The following FOXP1 variants were observed in gnomAD, a reference collection of about 807,000 sequenced individuals.
FOXP1 encodes forkhead box protein P1.
FOXP1 carries 15 observed loss-of-function variants against 98.2 expected under a neutral mutation model. The observed-to-expected ratio is 0.15, with a 90% confidence interval of 0.10 to 0.24. The LOEUF is 0.24. FOXP1 is among the 10% of genes least tolerant of loss of function. FOXP1 has a pLI of 1.00. For synonymous variants in FOXP1, 371 were observed against 314.5 expected (o/e 1.18, Z -1.90); for missense variants, 633 against 848.5 (o/e 0.75, Z 3.15).
At chr3:71,434,733 A>C (rs1351623510) in intron 3 of FOXP1, among the ~76,000 whole-genome samples, 1 of 151,734 alleles carries the variant, frequency 6.6e-6, no homozygotes, top group Non-Finnish European at 1.5e-5. Context: ...TTCTTACCAC[A>C]GATGTTGTAT....
At chr3:71,574,842 C>T (rs1294395425) in intron 2 of FOXP1, among the ~76,000 whole-genome samples, 1 of 152,198 alleles carries the variant, frequency 6.6e-6, no homozygotes, top group African/African-American at 2.4e-5. Flanking sequence ...GTTCCTATCA[C>T]GTTATTGAAC....
At chr3:71,027,581 C>T (rs951011437) in intron 11 of FOXP1, among the ~76,000 whole-genome samples, 6 of 152,162 alleles carry the variant, frequency 3.9e-5, no homozygotes, top group African/African-American at 1.4e-4. Flanking sequence ...TTTAATTAAA[C>T]ACCTACTTTG....
chr3:71,511,644 CT>C (rs34132625), intron 2 of FOXP1, among the ~76,000 whole-genome samples: 20 of 151,980 alleles, frequency 1.3e-4, no homozygotes, highest in Admixed American at 1.2e-3. Flanking sequence ...CACTGACTTC[CT>C]TTTTTTTGGT....
intron 3 of FOXP1, among the ~76,000 whole-genome samples, chr3:71,380,435 A>G (rs2080055689): frequency 6.6e-6 from 1 of 152,238 alleles, no homozygotes; most frequent in South Asian, 2.1e-4. Context: ...GCTCAGCATG[A>G]GCCTAGGCCA....
intron 4 of FOXP1, among the ~76,000 whole-genome samples, chr3:71,329,322 C>A (rs1014136279): frequency 6.6e-6 from 1 of 151,852 alleles, no homozygotes; most frequent in Non-Finnish European, 1.5e-5. Flanking sequence ...CCTGGGTTCA[C>A]ACCATTCTCC....
At chr3:71,067,934 TAA>T (rs5849980) in intron 7 of FOXP1, among the ~76,000 whole-genome samples, 1 of 119,144 alleles carries the variant, frequency 8.4e-6, no homozygotes, top group African/African-American at 3.3e-5. Flanking sequence ...AAAAATAAAA[TAA>T]AAAAAAAATA....
At chr3:71,048,513 T>G (rs900652097) in intron 9 of FOXP1, among the ~76,000 whole-genome samples, 9 of 152,074 alleles carry the variant, frequency 5.9e-5, no homozygotes, top group African/African-American at 2.2e-4. Flanking sequence ...TGAGTTTCAC[T>G]CCAAAAAACA....
chr3:71,229,663 A>G (rs2106739093), intron 5 of FOXP1, among the ~76,000 whole-genome samples: 1 of 152,296 alleles, frequency 6.6e-6, no homozygotes, highest in East Asian at 1.9e-4. Flanking sequence ...CTTGTAGAAT[A>G]TGCAAATGGG....
intron 3 of FOXP1, among the ~76,000 whole-genome samples, chr3:71,410,205 C>T (rs1408206870): frequency 6.6e-6 from 1 of 152,174 alleles, no homozygotes; most frequent in Non-Finnish European, 1.5e-5. Context: ...AGCTAATTGT[C>T]ACAAAATTGT....
intron 11 of FOXP1, among the ~76,000 whole-genome samples, chr3:71,036,548 A>G (rs2047619807): frequency 1.3e-5 from 2 of 152,226 alleles, no homozygotes; most frequent in Non-Finnish European, 2.9e-5. Context: ...AAAAAAGGGA[A>G]TATTTCTGAT....
chr3:71,142,208 A>G (rs2060104103), intron 6 of FOXP1, among the ~76,000 whole-genome samples: 1 of 152,158 alleles, frequency 6.6e-6, no homozygotes, highest in Non-Finnish European at 1.5e-5. Flanking sequence ...AATACCTTGG[A>G]GGTGGCCCTT....
chr3:71,009,254 T>C (rs1576113890), intron 12 of FOXP1, among the ~76,000 whole-genome samples: 1 of 147,858 alleles, frequency 6.8e-6, no homozygotes, highest in African/African-American at 2.5e-5. Flanking sequence ...TGGATAGCTA[T>C]GTCCGGGGCC....
intron 18 of FOXP1, chr3:70,971,058 C>A: frequency 2.1e-6 from 1 of 472,414 alleles, no homozygotes; most frequent in South Asian, 2.1e-5. Context: ...AGGCTTGGGT[C>A]CTCCCTCCAG....
chr3:71,486,531 A>C (rs62247168), intron 3 of FOXP1, among the ~76,000 whole-genome samples: 42,833 of 152,086 alleles, frequency 0.28, 6,382 homozygotes, highest in Non-Finnish European at 0.33. Flanking sequence ...ACGGGCCAAG[A>C]GGGTAACAAT....
intron 3 of FOXP1, among the ~76,000 whole-genome samples, chr3:71,462,317 G>A (rs547376708): frequency 1.3e-5 from 2 of 152,178 alleles, no homozygotes; most frequent in Non-Finnish European, 2.9e-5. Flanking sequence ...GAGTCATGCA[G>A]TTGGAATCTG....
intron 7 of FOXP1, among the ~76,000 whole-genome samples, chr3:71,078,632 A>G (rs1324811637): frequency 1.3e-5 from 2 of 151,964 alleles, no homozygotes; most frequent in African/African-American, 2.4e-5. Flanking sequence ...GAATGGACAT[A>G]AGACTGGAAG....
intron 7 of FOXP1, among the ~76,000 whole-genome samples, chr3:71,100,930 G>A (rs970996613): frequency 6.6e-6 from 1 of 152,176 alleles, no homozygotes; most frequent in Non-Finnish European, 1.5e-5. Flanking sequence ...CTGAAGAGCA[G>A]AATGACATGG....
intron 7 of FOXP1, chr3:71,064,686 T>C (rs1012396589): frequency 5.8e-6 from 3 of 520,606 alleles, no homozygotes; most frequent in Non-Finnish European, 4.9e-6. Flanking sequence ...ACAGCGAGGA[T>C]GAGGATGATT....
At chr3:71,091,097 CTGTG>C (rs1191628935) in intron 7 of FOXP1, among the ~76,000 whole-genome samples, 11 of 132,608 alleles carry the variant, frequency 8.3e-5, no homozygotes, top group Admixed American at 2.3e-4. Context: ...GTGCCAGATT[CTGTG>C]TGTGTGTGTG....
Sources: gnomAD v4.1 joint callset for allele counts (sites outside exome capture counted in the v4.1 genomes callset) on GRCh38, gnomAD v4.1.1 for gene constraint, MANE v1.5 for transcripts, NCBI Gene and HGNC (gene_info 2026-07-23, HGNC 2026-07-21) for gene names.